Variants in HMCN1 observed in about 807,000 individuals in gnomAD.
The protein encoded by HMCN1 is hemicentin-1.
Under a neutral mutation model 625.9 loss-of-function variants are expected in HMCN1, and 321 were observed. The ratio of observed to expected loss-of-function variants is 0.51; its 90% CI spans 0.47 to 0.56. The LOEUF is 0.56. Ranked by LOEUF, HMCN1 falls within the 20% of genes least tolerant of loss-of-function variation. The pLI is 0.00. For synonymous variants in HMCN1, 2,425 were observed against 2,417.6 expected (o/e 1.00, Z -0.09); for missense variants, 6,588 against 6,887.3 (o/e 0.96, Z 1.54).
chr1:185,942,745 C>A (rs548160903), intron 11 of HMCN1, among the ~76,000 whole-genome samples: 1 of 152,122 alleles, frequency 6.6e-6, no homozygotes, highest in East Asian at 1.9e-4. Flanking sequence ...CATGAGACCC[C>A]ACAGGTTAAG....
intron 71 of HMCN1, among the ~76,000 whole-genome samples, chr1:186,110,669 C>T (rs773690655): frequency 6.6e-5 from 10 of 152,130 alleles, no homozygotes; most frequent in Non-Finnish European, 1.3e-4. Flanking sequence ...AGATTGGAGA[C>T]AGAGGAGAGA....
At position 186,010,061 on chromosome 1, in the gene HMCN1, T is replaced by C. The variant is rs527783716; in HGVS notation, c.4630+2779T>C. On this transcript the variant is annotated intron_variant, in intron 30 of 106. Coordinates refer to ENST00000271588, the MANE Select transcript of HMCN1 (RefSeq NM_031935.3). The stretch of plus-strand genomic sequence containing the variant: ...TCAGGTGGTAATGCTTGCTCGTCCG[T>C]CACCTCCTGCTGTAGGGCCCAGTTC... Among the ~76,000 whole-genome samples, 11 of 152,180 alleles carry C rather than the reference T, an allele frequency of 7.2e-5. No homozygotes were observed. The East Asian group carries it at 1.9e-3, about 27-fold the overall frequency.
chr1:186,063,096 A>ATATATATATGTATATATGTATATATG (rs1185102259), intron 48 of HMCN1, among the ~76,000 whole-genome samples: 1 of 115,424 alleles, frequency 8.7e-6, no homozygotes, highest in South Asian at 2.7e-4. Context: ...ATATATATAT[A>ATATATATATGTATATATGTATATATG]TATATATCAC....
intron 40 of HMCN1, among the ~76,000 whole-genome samples, chr1:186,042,544 C>T (rs560111887): frequency 6.6e-6 from 1 of 152,238 alleles, no homozygotes; most frequent in African/African-American, 2.4e-5. Flanking sequence ...AAACATGCAT[C>T]ACTGTTCCTT....
intron 11 of HMCN1, among the ~76,000 whole-genome samples, chr1:185,946,306 C>T (rs77294353): frequency 0.022 from 3,364 of 152,158 alleles, 58 homozygotes; most frequent in Non-Finnish European, 0.036. Context: ...GGGACTTTTA[C>T]GTATTTATGT....
chr1:185,877,009 TAA>T (rs1487315521), intron 4 of HMCN1, among the ~76,000 whole-genome samples: 5 of 152,218 alleles, frequency 3.3e-5, no homozygotes, highest in African/African-American at 1.2e-4. Context: ...GAGCTTTTCC[TAA>T]GTTTGCTTCT....
chr1:185,873,046 G>T (rs950285962), intron 4 of HMCN1, among the ~76,000 whole-genome samples: 4 of 152,074 alleles, frequency 2.6e-5, no homozygotes, highest in African/African-American at 7.2e-5. Context: ...AGAAAAGAAA[G>T]AAATGTTACT....
rs148758944 is a variant in HMCN1 at position 186,112,426 on chromosome 1, C to T, written c.10990-386C>T. ...TTGCATTGCCTTAGATTCAGGACAG[C>T]CTGTTTCCACATGATAAGACTGCCA... On this transcript the variant is annotated intron_variant, in intron 71 of 106. Coordinates refer to ENST00000271588, the MANE Select transcript of HMCN1 (RefSeq NM_031935.3). Among the ~76,000 whole-genome samples the T allele has an allele frequency of 3.2e-3, 480 of 152,346 alleles. 1 individual carries two copies. The highest frequency in any genetic ancestry group is 0.011 in the African/African-American group (456 of 41,566).
Position 186,178,567 on chromosome 1 carries a change from T to A in HMCN1, c.16095T>A (p.Thr5365=), listed in dbSNP as rs1314358764. ...TGGAGAGGCTGCCAAATTATGGCAC[T>A]CAATACAGTAGCTATAACCTTGCAC... ...AGLERLPNYG[T]QYSSYNLARF... The change falls in exon 104 of 107, where the codon ACT becomes ACA. Residue 5365 remains threonine (T), a synonymous_variant. Transcript: ENST00000271588. 8 of 1,614,024 alleles carry A rather than the reference T, an allele frequency of 5.0e-6. No homozygotes were observed. Among genetic ancestry groups the A allele is most frequent in the Non-Finnish European group, 6.8e-6 (8 of 1,180,012 alleles).
intron 1 of HMCN1, among the ~76,000 whole-genome samples, chr1:185,814,477 A>G (rs1659722409): frequency 6.6e-6 from 1 of 152,138 alleles, no homozygotes; most frequent in South Asian, 2.1e-4. Context: ...ATTAAAGATG[A>G]ATATCTGCTT....
At position 185,987,423 on chromosome 1, in the gene HMCN1, C is replaced by G; in HGVS notation, c.2936-9C>G. 1.3e-6 allele frequency: 2 copies of G among 1,576,656 alleles called. No homozygotes were observed. Among genetic ancestry groups the G allele is most frequent in the Non-Finnish European group, 1.7e-6 (2 of 1,145,874 alleles). On this transcript the variant is annotated splice_polypyrimidine_tract_variant and intron_variant, in intron 19 of 106. Transcript: ENST00000271588. ...GTGCTCAGATTCCAAATCCTACTTA[C>G]CTTTTCAGTTCTGCCAACCATTCAG...
rs748004495 is a variant in HMCN1, at chr1:185,925,038, T to C, written c.1286-9T>C. The C allele has an allele frequency of 6.3e-7, 1 of 1,597,632 alleles. No homozygotes were observed. Among genetic ancestry groups the C allele is most frequent in the Non-Finnish European group, 8.5e-7 (1 of 1,170,640 alleles). ...AGTTTTTTGTTTTTGTTTTTGTTTTTTTTCCTAGATGCTCCCAAAGTTACG... is the reference window on the plus strand; with the variant it reads ...AGTTTTTTGTTTTTGTTTTTGTTTTCTTTCCTAGATGCTCCCAAAGTTACG... On this transcript the variant is annotated splice_polypyrimidine_tract_variant and intron_variant, in intron 8 of 106. Transcript: ENST00000271588.
chr1:186,050,119 C>T (rs966147199), intron 42 of HMCN1, among the ~76,000 whole-genome samples: 1 of 150,696 alleles, frequency 6.6e-6, no homozygotes, highest in East Asian at 1.9e-4. Flanking sequence ...ATATCTAGTT[C>T]CCAATATGGA....
intron 19 of HMCN1, among the ~76,000 whole-genome samples, chr1:185,985,549 A>G (rs1651951167): frequency 6.6e-6 from 1 of 152,210 alleles, no homozygotes; most frequent in Non-Finnish European, 1.5e-5. Flanking sequence ...CAAACGAATG[A>G]TATGGTGTAT....
At chr1:186,163,717 TCTTA>T (rs1279181491) in intron 97 of HMCN1, among the ~76,000 whole-genome samples, 2 of 152,202 alleles carry the variant, frequency 1.3e-5, no homozygotes, top group East Asian at 3.8e-4. Flanking sequence ...ATTATAGATT[TCTTA>T]CTTTCATGAA....
intron 97 of HMCN1, among the ~76,000 whole-genome samples, chr1:186,164,367 G>C (rs553970547): frequency 1.3e-5 from 2 of 151,586 alleles, no homozygotes; most frequent in South Asian, 4.2e-4. Flanking sequence ...AGTCTCCTGA[G>C]TAGCTGGGAC....
In HMCN1 at chr1:185,970,190, G is replaced by A. The variant is rs538785721; in HGVS notation, c.2213-145G>A. On this transcript the variant is annotated intron_variant, in intron 14 of 106. Coordinates refer to ENST00000271588, the MANE Select transcript of HMCN1 (RefSeq NM_031935.3). ...TTATTACAGGTCTGAATTTTAGACT[G>A]TAGAAAGTGTCTATGTTGTGCCAAA... 4 of 770,920 alleles carry A rather than the reference G, an allele frequency of 5.2e-6. No individual in the cohort carries two copies. In the South Asian group the frequency reaches 5.6e-5, roughly 11 times the overall value. 47.8% of individuals were successfully genotyped at this position (770,920 alleles called of 1,614,324 possible). A position where few individuals can be genotyped will look rare whatever the true frequency, so the allele number is the denominator to read the frequency against.
intron 10 of HMCN1, among the ~76,000 whole-genome samples, chr1:185,931,282 A>C (rs1467577925): frequency 6.6e-6 from 1 of 151,952 alleles, no homozygotes; most frequent in African/African-American, 2.4e-5. Flanking sequence ...CCCTAATCCT[A>C]GTCTGCTTTC....
chr1:186,141,863 G>C (rs776798466), intron 89 of HMCN1, among the ~76,000 whole-genome samples: 2 of 152,230 alleles, frequency 1.3e-5, no homozygotes, highest in Non-Finnish European at 2.9e-5. Flanking sequence ...TTCAAGCCCA[G>C]AGTGTCTGCC....
Sources: gnomAD v4.1 joint callset for allele counts (sites outside exome capture counted in the v4.1 genomes callset) on GRCh38, gnomAD v4.1.1 for gene constraint, MANE v1.5 for transcripts, NCBI Gene and HGNC (gene_info 2026-07-23, HGNC 2026-07-21) for gene names.